The following ELSPBP1 variants were observed in gnomAD, a reference collection of about 807,000 sequenced individuals.
The protein encoded by ELSPBP1 is epididymal sperm binding protein 1.
Under a neutral mutation model 33.3 loss-of-function variants are expected in ELSPBP1, and 38 were observed. The ratio of observed to expected loss-of-function variants is 1.14; its 90% CI spans 0.88 to 1.50. ELSPBP1 has a LOEUF of 1.50. Ranked by LOEUF, ELSPBP1 falls within the 40% of genes most tolerant of loss-of-function variation. The probability of loss-of-function intolerance (pLI) is 0.00; values close to 1 mark genes in which losing one functional copy is unlikely to be tolerated. For synonymous variants in ELSPBP1, 85 were observed against 94.1 expected, an observed-to-expected ratio of 0.90 and a Z score of 0.56; for missense variants, 267 against 263.5, an observed-to-expected ratio of 1.01 and a Z score of -0.09.
intron 1 of ELSPBP1, among the ~76,000 whole-genome samples, chr19:48,004,346 C>G (rs370656329): frequency 6.6e-6 from 1 of 151,762 alleles, no homozygotes; most frequent in African/African-American, 2.4e-5. Flanking sequence ...GTTGTAGAGA[C>G]GAGGTGTCAC....
At chr19:48,007,708 A>G (rs957595813) in intron 1 of ELSPBP1, among the ~76,000 whole-genome samples, 3 of 152,198 alleles carry the variant, frequency 2.0e-5, no homozygotes, top group Non-Finnish European at 4.4e-5. Flanking sequence ...AGTGTGATTC[A>G]TGGGGAGGAT....
intron 5 of ELSPBP1, among the ~76,000 whole-genome samples, chr19:48,020,536 G>A (rs1040217647): frequency 3.3e-5 from 5 of 152,138 alleles, no homozygotes; most frequent in Middle Eastern, 3.2e-3. Context: ...CCACAGAAGC[G>A]TCATGAGTGT....
At chr19:48,022,142 C>T (rs754916210) in intron 5 of ELSPBP1, 28 bp from the exon 6 acceptor site, 1 of 1,597,714 alleles carries the variant, frequency 6.3e-7, no homozygotes, top group Admixed American at 1.7e-5. Flanking sequence ...GAGGAGTAAC[C>T]TTTGTTTTAT....
rs150117143 is a variant in ELSPBP1 at position 48,014,411 on chromosome 19, C to T, written c.208+103C>T. 411 of 1,339,080 alleles carry T rather than the reference C, an allele frequency of 3.1e-4. 1 individual carries two copies. In the African/African-American group the frequency reaches 3.9e-3, roughly 13 times the overall value. The allele number at this position is 1,339,080 out of a possible 1,614,324, so 82.9% of individuals were successfully genotyped here. On this transcript the variant is annotated intron_variant, in intron 3 of 6. Coordinates refer to ENST00000339841, the MANE Select transcript of ELSPBP1 (RefSeq NM_022142.5). Reference sequence around the variant, plus strand: ...ACATGATCACATTTTTGCAGACAAACGGTAATACGTATGCGTGCGTAGAAA... The same window carrying T: ...ACATGATCACATTTTTGCAGACAAATGGTAATACGTATGCGTGCGTAGAAA...
chr19:47,999,388 T>TTC (rs1555733868), intron 1 of ELSPBP1, among the ~76,000 whole-genome samples: 4 of 17,962 alleles, frequency 2.2e-4, no homozygotes, highest in East Asian at 1.8e-3. Flanking sequence ...GCCTCATTTC[T>TTC]TTTTTTTTTT....
chr19:48,008,821 G>A, intron 2 of ELSPBP1, 84 bp downstream of exon 2: 1 of 1,200,694 alleles, frequency 8.3e-7, no homozygotes, highest in South Asian at 1.3e-5. Context: ...GAACTAAGTA[G>A]GCAGGAGATG....
chr19:48,023,532 G>GAAGGAAGAAAGGAAGGCAAT, intron 6 of ELSPBP1, among the ~76,000 whole-genome samples: 1 of 108,048 alleles, frequency 9.3e-6, no homozygotes, highest in East Asian at 2.8e-4. Flanking sequence ...AGGAAGGGAG[G>GAAGGAAGAAAGGAAGGCAAT]AAGGAAAGAA....
chr19:47,997,273 T>C (rs1226856714), intron 1 of ELSPBP1, among the ~76,000 whole-genome samples: 1 of 152,198 alleles, frequency 6.6e-6, no homozygotes, highest in Non-Finnish European at 1.5e-5. Flanking sequence ...ATTTTTCATT[T>C]TGTGATTTTA....
At chr19:48,023,849 AT>A (rs200653369) in intron 6 of ELSPBP1, among the ~76,000 whole-genome samples, 5,345 of 148,664 alleles carry the variant, frequency 0.036, 97 homozygotes, top group East Asian at 0.092. Context: ...TTCTTTCTTT[AT>A]TTTTTTCTTT....
intron 1 of ELSPBP1, among the ~76,000 whole-genome samples, chr19:47,999,635 A>G (rs1966947758): frequency 6.6e-6 from 1 of 151,612 alleles, no homozygotes; most frequent in Non-Finnish European, 1.5e-5. Flanking sequence ...TGATCCACCC[A>G]CCTCGGCCTC....
At chr19:48,008,486 G>C (rs1396078037) in intron 1 of ELSPBP1, among the ~76,000 whole-genome samples, 165 bp from the exon 2 acceptor site, 2 of 151,974 alleles carry the variant, frequency 1.3e-5, no homozygotes, top group African/African-American at 4.8e-5. Context: ...CCTTTGTCTT[G>C]GTCTCCCAAA....
intron 1 of ELSPBP1, among the ~76,000 whole-genome samples, chr19:48,003,539 C>CTTTTTTTTTTTTTTTTTTT (rs34961390): frequency 7.2e-6 from 1 of 138,890 alleles, no homozygotes. Context: ...CACCCCTGCT[C>CTTTTTTTTTTTTTTTTTTT]TTTTTTTTTT....
chr19:48,022,321 T>C lies in ELSPBP1; in HGVS notation c.666T>C (p.Tyr222=), dbSNP rs532447692. ...ACGACCAAGACCACACCTGGGTGTA[T>C]TGCTGATGCTGAGGTGAGAGCAGGG... ...YNYDQDHTWV[Y]C Residue 222 remains tyrosine, a synonymous_variant, in exon 6 of 7, where the codon TAT becomes TAC. Transcript: ENST00000339841. 1.2e-6 allele frequency: 2 copies of C among 1,610,406 alleles called. No individual in the cohort carries two copies. The highest frequency in any genetic ancestry group is 2.7e-5 in the African/African-American group (2 of 74,968).
rs571456957 is a variant in ELSPBP1 at position 48,008,888 on chromosome 19, C to A, written c.70+151C>A. The A allele has an allele frequency of 2.6e-5, 17 of 654,012 alleles. No homozygotes were observed. In the African/African-American group the frequency reaches 2.7e-4, roughly 10 times the overall value. 40.5% of individuals were successfully genotyped at this position (654,012 alleles called of 1,614,324 possible). On this transcript the variant is annotated intron_variant, in intron 2 of 6. Transcript: ENST00000339841. Reference sequence around the variant, plus strand: ...CGGTGGCTGACACCTGTAATCCCAGCACTTTGCAGGGCTGAGGCAGGCAGA... The same window carrying A: ...CGGTGGCTGACACCTGTAATCCCAGAACTTTGCAGGGCTGAGGCAGGCAGA...
At chr19:48,015,575 T>C (rs1967122905) in intron 3 of ELSPBP1, among the ~76,000 whole-genome samples, 1 of 152,160 alleles carries the variant, frequency 6.6e-6, no homozygotes, top group Non-Finnish European at 1.5e-5. Flanking sequence ...GGAGAATTGC[T>C]TGAACCCAAG....
intron 1 of ELSPBP1, among the ~76,000 whole-genome samples, chr19:47,999,301 C>T (rs546700897): frequency 2.0e-5 from 3 of 151,776 alleles, no homozygotes; most frequent in South Asian, 2.1e-4. Context: ...AATTTAGTGG[C>T]GACAAGCACA....
At chr19:48,001,698 A>T (rs1048304126) in intron 1 of ELSPBP1, among the ~76,000 whole-genome samples, 2 of 151,338 alleles carry the variant, frequency 1.3e-5, no homozygotes, top group African/African-American at 4.9e-5. Context: ...ATGTGCCACC[A>T]TGCTAGTTTT....
intron 1 of ELSPBP1, among the ~76,000 whole-genome samples, chr19:48,006,971 C>G (rs552219434): frequency 2.6e-5 from 4 of 152,256 alleles, no homozygotes; most frequent in African/African-American, 9.6e-5. Flanking sequence ...TTGTGTGGCT[C>G]AGATACTCAG....
intron 2 of ELSPBP1, among the ~76,000 whole-genome samples, chr19:48,009,844 A>C (rs1414647552): frequency 6.6e-6 from 1 of 152,068 alleles, no homozygotes; most frequent in African/African-American, 2.4e-5. Context: ...TCAGGAAACA[A>C]TGCTCCACAT....
Sources: allele counts gnomAD v4.1 joint callset (sites outside exome capture counted in the v4.1 genomes callset), GRCh38; gene constraint gnomAD v4.1.1; transcripts MANE v1.5; gene names NCBI Gene and HGNC (gene_info 2026-07-23, HGNC 2026-07-21).